DYNC1LI1: variants seen among roughly 807,000 people sequenced by gnomAD.
DYNC1LI1 encodes cytoplasmic dynein 1 light intermediate chain 1.
A neutral mutation model predicts 63.8 loss-of-function variants in DYNC1LI1; 19 were observed. The observed-to-expected ratio is 0.30, with a 90% CI of 0.21 to 0.44. The LOEUF (loss-of-function observed/expected upper bound fraction) is 0.44, where lower values mean the gene tolerates loss of function less well. DYNC1LI1 is among the 20% of genes least tolerant of loss of function. The pLI is 1.00. For synonymous variants in DYNC1LI1, 225 were observed against 232.3 expected (o/e 0.97, Z 0.28); for missense variants, 565 against 630.2 (o/e 0.90, Z 1.11).
At chr3:32,555,115 C>G (rs1473622195) in intron 2 of DYNC1LI1, among the ~76,000 whole-genome samples, 1 of 152,162 alleles carries the variant, frequency 6.6e-6, no homozygotes, top group Non-Finnish European at 1.5e-5. Context: ...AGTGATCTGC[C>G]CGCCTCAGCC....
At chr3:32,570,080 T>C in intron 2 of DYNC1LI1, 1 of 599,774 alleles carries the variant, frequency 1.7e-6, no homozygotes, top group Non-Finnish European at 3.0e-6. Flanking sequence ...GATCGAATTC[T>C]GTCCTTCCCA....
Position 32,526,568 on chromosome 3 carries a change from T to G in DYNC1LI1, c.*231A>C. On this transcript the variant is annotated 3_prime_UTR_variant, in exon 13 of 13. Coordinates refer to ENST00000273130, the MANE Select transcript of DYNC1LI1 (RefSeq NM_016141.4). Reference sequence around the variant, plus strand: ...ATTTTCAAAATCAAAAATTACTTTCTTATGCAAAATGGCAATGCAAACAGC... The same window carrying G: ...ATTTTCAAAATCAAAAATTACTTTCGTATGCAAAATGGCAATGCAAACAGC... 1 of 328,512 alleles carries G rather than the reference T, an allele frequency of 3.0e-6. No homozygotes were observed. The highest frequency in any genetic ancestry group is 9.5e-5 in the South Asian group (1 of 10,560). 20.3% of individuals were successfully genotyped at this position (328,512 alleles called of 1,614,324 possible). A position where few individuals can be genotyped will look rare whatever the true frequency, so the allele number is the denominator to read the frequency against.
At chr3:32,553,360 C>T (rs6550136) in intron 2 of DYNC1LI1, among the ~76,000 whole-genome samples, 9,422 of 152,078 alleles carry the variant, frequency 0.062, 338 homozygotes, top group Non-Finnish European at 0.076. Context: ...AAAACCCAAA[C>T]CAAACCATAA....
In DYNC1LI1 at chr3:32,528,605, T is replaced by A; in HGVS notation, c.1307-4A>T. The stretch of plus-strand genomic sequence containing the variant: ...ACGCCTTCACTTGTAGCTCCAGCTA[T>A]AAAAAAATAAAAAAACAAAAAGCTT... On this transcript the variant is annotated splice_region_variant and splice_polypyrimidine_tract_variant and intron_variant, in intron 11 of 12. Transcript: ENST00000273130. The A allele has an allele frequency of 1.3e-6, 2 of 1,584,878 alleles. No homozygotes were observed.
intron 2 of DYNC1LI1, among the ~76,000 whole-genome samples, chr3:32,561,527 G>A (rs1459426117): frequency 6.6e-6 from 1 of 151,910 alleles, no homozygotes; most frequent in East Asian, 1.9e-4. Context: ...TACTCAGGAG[G>A]CTGAGGCAGG....
intron 5 of DYNC1LI1, among the ~76,000 whole-genome samples, chr3:32,539,799 T>C (rs1033462312): frequency 2.0e-4 from 30 of 151,884 alleles, no homozygotes; most frequent in African/African-American, 7.3e-4. Flanking sequence ...CCTCCCAAAA[T>C]GCTGGGATTA....
intron 2 of DYNC1LI1, 134 bp from the exon 3 acceptor site, chr3:32,546,099 C>T (rs906261854): frequency 2.8e-5 from 17 of 616,880 alleles, no homozygotes; most frequent in Non-Finnish European, 4.5e-5. Context: ...TATAATGGAG[C>T]AGCTACAGTA....
In DYNC1LI1 at chr3:32,532,485, GTGTA is replaced by G. The variant is rs1489211772; in HGVS notation, c.1080+497_1080+500del. The G allele has an allele frequency of 2.6e-4, 32 of 122,322 alleles. 3 individuals carry two copies. The East Asian group carries it at 6.5e-3, about 25-fold the overall frequency. The allele number at this position is 122,322 out of a possible 1,614,324, so 7.6% of individuals were successfully genotyped here. On this transcript the variant is annotated intron_variant, in intron 8 of 12. Transcript: ENST00000273130. ...CATCTCAAAAAAAAAAAAAAAATGTGTGTATATATATATATATATATAAAATTGA... is the reference window on the plus strand; with the variant it reads ...CATCTCAAAAAAAAAAAAAAAATGTGTATATATATATATATATAAAATTGA...
rs1559436580 is a variant in DYNC1LI1 at position 32,538,046 on chromosome 3, TAA to T, written c.739-944_739-943del. On this transcript the variant is annotated intron_variant, in intron 5 of 12. Coordinates refer to ENST00000273130, the MANE Select transcript of DYNC1LI1 (RefSeq NM_016141.4). ...AATTTATATATATAATATATATATA[TAA>T]TTATATATATATAATTTATTATATA... Among the ~76,000 whole-genome samples the T allele has an allele frequency of 3.7e-3, 19 of 5,198 alleles. 1 individual carries two copies. Among genetic ancestry groups the T allele is most frequent in the Admixed American group, 0.01 (2 of 196 alleles). 3.4% of individuals were successfully genotyped at this position (5,198 alleles called of 152,430 possible). A position where few individuals can be genotyped will look rare whatever the true frequency, so the allele number is the denominator to read the frequency against.
At chr3:32,554,965 G>T (rs1698093162) in intron 2 of DYNC1LI1, among the ~76,000 whole-genome samples, 1 of 151,022 alleles carries the variant, frequency 6.6e-6, no homozygotes, top group Non-Finnish European at 1.5e-5. Flanking sequence ...CGCATCCCGG[G>T]TTAAAGTGAT....
At chr3:32,569,550 T>A (rs1163826475) in intron 2 of DYNC1LI1, among the ~76,000 whole-genome samples, 1 of 152,198 alleles carries the variant, frequency 6.6e-6, no homozygotes, top group East Asian at 1.9e-4. Flanking sequence ...TTCAGTTATC[T>A]CGCATGTAAA....
rs1453292264 is a variant in DYNC1LI1 at position 32,528,435 on chromosome 3, C to T, written c.1462+11G>A. ...TATTTTAAACAAGTGACTTGCTTCC[C>T]ATAAGCATACCTGACTTTTTGGTGG... is the stretch of plus-strand genomic sequence containing the variant. On this transcript the variant is annotated intron_variant, in intron 12 of 12. Coordinates refer to ENST00000273130, the MANE Select transcript of DYNC1LI1 (RefSeq NM_016141.4). 3 of 1,613,792 alleles carry T rather than the reference C, an allele frequency of 1.9e-6. No individual in the cohort carries two copies. Among genetic ancestry groups the T allele is most frequent in the Non-Finnish European group, 1.7e-6 (2 of 1,179,924 alleles).
intron 12 of DYNC1LI1, among the ~76,000 whole-genome samples, chr3:32,528,053 G>A (rs1489737100): frequency 4.1e-5 from 6 of 145,490 alleles, no homozygotes; most frequent in South Asian, 2.2e-4. Flanking sequence ...CCCTGGAGGC[G>A]GAGGCTGCAG....
At chr3:32,546,284 T>C (rs1019476745) in intron 2 of DYNC1LI1, among the ~76,000 whole-genome samples, 3 of 152,136 alleles carry the variant, frequency 2.0e-5, no homozygotes, top group African/African-American at 7.2e-5. Context: ...GGTGCATGCC[T>C]GTAATCCCAG....
At chr3:32,549,986 G>GA (rs1209206958) in intron 2 of DYNC1LI1, among the ~76,000 whole-genome samples, 1 of 152,104 alleles carries the variant, frequency 6.6e-6, no homozygotes, top group Non-Finnish European at 1.5e-5. Flanking sequence ...ATATTATCTA[G>GA]AAATAATCAT....
At chr3:32,554,030 C>T (rs1006648739) in intron 2 of DYNC1LI1, among the ~76,000 whole-genome samples, 1 of 152,180 alleles carries the variant, frequency 6.6e-6, no homozygotes, top group Non-Finnish European at 1.5e-5. Flanking sequence ...GTAACAACAA[C>T]AACAAAAAGA....
chr3:32,537,928 TATATATATA>T (rs374062196), intron 5 of DYNC1LI1, among the ~76,000 whole-genome samples: 1,887 of 19,480 alleles, frequency 0.097, 179 homozygotes, highest in African/African-American at 0.14. Context: ...ATATATATAA[TATATATATA>T]ATATATATAT....
chr3:32,540,836 T>A (rs963514850), intron 5 of DYNC1LI1, among the ~76,000 whole-genome samples: 7 of 152,186 alleles, frequency 4.6e-5, no homozygotes, highest in South Asian at 4.1e-4. Context: ...GTATTTGAAA[T>A]AACATTTTCT....
At chr3:32,545,647 A>G in intron 3 of DYNC1LI1, 1 of 555,462 alleles carries the variant, frequency 1.8e-6, no homozygotes. Context: ...ACACCAGGAT[A>G]CCTTAAGATG....
Sources: gnomAD v4.1 joint callset for allele counts (sites outside exome capture counted in the v4.1 genomes callset) on GRCh38, gnomAD v4.1.1 for gene constraint, MANE v1.5 for transcripts, NCBI Gene and HGNC (gene_info 2026-07-23, HGNC 2026-07-21) for gene names.